SGCZ: variants seen among roughly 807,000 people sequenced by gnomAD.
SGCZ encodes the protein zeta-sarcoglycan.
SGCZ carries 40 observed loss-of-function variants against 41.3 expected under a neutral mutation model. The observed-to-expected ratio is 0.97, with a 90% CI of 0.75 to 1.26. SGCZ has a LOEUF of 1.26. Among genes scored for constraint, SGCZ ranks in the 50% most tolerant of loss-of-function variants. SGCZ has a pLI of 0.00. For missense variants in SGCZ, 552 were observed against 369.8 expected (o/e 1.49, Z -4.04); for synonymous variants, 206 against 137.5 (o/e 1.50, Z -3.49).
At chr8:14,971,448 T>C (rs193072695) in intron 1 of SGCZ, among the ~76,000 whole-genome samples, 6 of 152,214 alleles carry the variant, frequency 3.9e-5, no homozygotes, top group African/African-American at 9.6e-5. Flanking sequence ...ACTGCATTTC[T>C]ATTCCTACTT....
intron 1 of SGCZ, among the ~76,000 whole-genome samples, chr8:15,222,125 G>A (rs552222115): frequency 1.3e-5 from 2 of 152,146 alleles, no homozygotes; most frequent in African/African-American, 4.8e-5. Context: ...ATCCAAAAGA[G>A]GGCTTTGTAA....
chr8:14,175,217 C>A (rs1368694669), intron 4 of SGCZ, among the ~76,000 whole-genome samples: 1 of 151,840 alleles, frequency 6.6e-6, no homozygotes, highest in Admixed American at 6.6e-5. Context: ...GTTGAATGGC[C>A]AAAGATATTT....
chr8:14,917,860 T>C (rs184059719), intron 1 of SGCZ, among the ~76,000 whole-genome samples: 58 of 152,298 alleles, frequency 3.8e-4, no homozygotes, highest in African/African-American at 1.2e-3. Context: ...GTATAAGATA[T>C]GGAATGATAA....
intron 4 of SGCZ, among the ~76,000 whole-genome samples, chr8:14,176,576 A>G (rs1012621164): frequency 3.3e-5 from 5 of 152,210 alleles, no homozygotes; most frequent in African/African-American, 1.2e-4. Context: ...TTAAGTTGAG[A>G]AGTTAGAAAC....
At chr8:14,429,338 A>T (rs918210730) in intron 2 of SGCZ, among the ~76,000 whole-genome samples, 9 of 152,204 alleles carry the variant, frequency 5.9e-5, no homozygotes, top group Admixed American at 3.3e-4. Flanking sequence ...GAGGAAGTCC[A>T]GGCATAAAGC....
intron 2 of SGCZ, among the ~76,000 whole-genome samples, chr8:14,457,950 T>C (rs1800796617): frequency 6.6e-6 from 1 of 152,232 alleles, no homozygotes; most frequent in East Asian, 1.9e-4. Context: ...GTGTCTTTAT[T>C]TCTACACTCT....
intron 1 of SGCZ, among the ~76,000 whole-genome samples, chr8:15,149,426 C>A (rs964844566): frequency 6.6e-6 from 1 of 152,056 alleles, no homozygotes; most frequent in Non-Finnish European, 1.5e-5. Context: ...AAACCTAGTA[C>A]CAGTTCAGCA....
At chr8:15,198,587 T>C (rs1397417753) in intron 1 of SGCZ, among the ~76,000 whole-genome samples, 2 of 152,184 alleles carry the variant, frequency 1.3e-5, no homozygotes, top group East Asian at 3.8e-4. Flanking sequence ...ACGCATAATA[T>C]CAAGTAGCTA....
intron 1 of SGCZ, among the ~76,000 whole-genome samples, chr8:14,986,366 A>G (rs923949078): frequency 2.6e-5 from 4 of 152,074 alleles, no homozygotes; most frequent in African/African-American, 9.7e-5. Flanking sequence ...AAATATCTCT[A>G]AAAACCCAGC....
At chr8:14,627,257 G>C (rs1219283038) in intron 1 of SGCZ, among the ~76,000 whole-genome samples, 1 of 152,122 alleles carries the variant, frequency 6.6e-6, no homozygotes, top group Non-Finnish European at 1.5e-5. Context: ...AGTTTACGTA[G>C]TACATCTTCT....
intron 1 of SGCZ, among the ~76,000 whole-genome samples, chr8:14,840,110 G>T (rs577435019): frequency 9.2e-4 from 140 of 152,060 alleles, no homozygotes; most frequent in African/African-American, 3.2e-3. Context: ...ACACCTTAAA[G>T]AAAGTAAATG....
chr8:14,846,420 G>T (rs1418122082), intron 1 of SGCZ, among the ~76,000 whole-genome samples: 1 of 151,760 alleles, frequency 6.6e-6, no homozygotes, highest in Non-Finnish European at 1.5e-5. Flanking sequence ...ATAAGTTAAC[G>T]TATCCCAGCA....
chr8:14,923,008 T>C (rs750280832), intron 1 of SGCZ, among the ~76,000 whole-genome samples: 54 of 152,346 alleles, frequency 3.5e-4, no homozygotes, highest in Non-Finnish European at 7.1e-4. Flanking sequence ...TTCTACACAT[T>C]AGGTTTTGCC....
At chr8:15,181,462 G>C (rs1473527328) in intron 1 of SGCZ, among the ~76,000 whole-genome samples, 7 of 152,128 alleles carry the variant, frequency 4.6e-5, no homozygotes, top group Non-Finnish European at 7.4e-5. Flanking sequence ...TTCAACGTTT[G>C]CTTGGCAAAC....
chr8:14,602,293 T>C (rs1255999684), intron 1 of SGCZ, among the ~76,000 whole-genome samples: 3 of 151,910 alleles, frequency 2.0e-5, no homozygotes, highest in African/African-American at 7.3e-5. Context: ...GGAATTTGAG[T>C]TGTATTTATG....
chr8:15,233,877 T>G (rs1802040155), intron 1 of SGCZ, among the ~76,000 whole-genome samples: 1 of 152,168 alleles, frequency 6.6e-6, no homozygotes, highest in Non-Finnish European at 1.5e-5. Context: ...ATCTAGGATC[T>G]AACTTGACTG....
chr8:14,219,207 T>C (rs1398429443), intron 4 of SGCZ, among the ~76,000 whole-genome samples: 2 of 152,150 alleles, frequency 1.3e-5, no homozygotes, highest in African/African-American at 4.8e-5. Context: ...AAGAAGAAGC[T>C]CCAAAGCACT....
At chr8:14,815,190 C>A (rs1801865300) in intron 1 of SGCZ, among the ~76,000 whole-genome samples, 1 of 149,764 alleles carries the variant, frequency 6.7e-6, no homozygotes, top group Admixed American at 6.7e-5. Flanking sequence ...TTGTAGACTG[C>A]TGAAATTTTT....
chr8:14,122,459 A>G (rs1050694598), intron 5 of SGCZ, among the ~76,000 whole-genome samples: 1 of 152,210 alleles, frequency 6.6e-6, no homozygotes, highest in African/African-American at 2.4e-5. Flanking sequence ...ACAGAGATGT[A>G]GCTACAAGGA....
Sources: allele counts gnomAD v4.1 joint callset (sites outside exome capture counted in the v4.1 genomes callset), GRCh38; gene constraint gnomAD v4.1.1; transcripts MANE v1.5; gene names NCBI Gene and HGNC (gene_info 2026-07-23, HGNC 2026-07-21).